Variants in PCDHAC1 observed in about 807,000 individuals in gnomAD.
PCDHAC1 encodes protocadherin alpha subfamily C, 1, also known as protocadherin alpha-C1.
In PCDHAC1, 42 loss-of-function variants were observed where a neutral mutation model predicts 60.0. The observed-to-expected ratio is 0.70, with a 90% CI of 0.55 to 0.90. PCDHAC1 has a LOEUF of 0.90. PCDHAC1 is among the 40% of genes least tolerant of loss of function. PCDHAC1 has a pLI of 0.00. For synonymous variants in PCDHAC1, 468 were observed against 499.3 expected (o/e 0.94, Z 0.84); for missense variants, 1,160 against 1,222.3 (o/e 0.95, Z 0.76).
intron 1 of PCDHAC1, among the ~76,000 whole-genome samples, chr5:140,963,787 A>G (rs155812): frequency 0.31 from 47,834 of 152,128 alleles, 7,882 homozygotes; most frequent in East Asian, 0.53. Context: ...AACAACAACA[A>G]TAATGTACTT....
At chr5:140,966,695 CGGGCGTGGGGCACGGCT>C (rs2096039584) in intron 1 of PCDHAC1, 1 of 1,358,374 alleles carries the variant, frequency 7.4e-7, no homozygotes. Flanking sequence ...AGGCGGGGCC[CGGGCGTGGGGCACGGCT>C]GGGGAAGCTG....
chr5:140,959,102 G>A (rs556528085), intron 1 of PCDHAC1, among the ~76,000 whole-genome samples: 2 of 152,214 alleles, frequency 1.3e-5, no homozygotes, highest in South Asian at 4.2e-4. Flanking sequence ...ACATTCAGCA[G>A]GGGTCCGAAG....
In PCDHAC1 at chr5:140,992,699, T is replaced by A. The variant is rs149489820; in HGVS notation, c.2581+10136T>A. Among the ~76,000 whole-genome samples the A allele has an allele frequency of 7.6e-3, 1,153 of 152,282 alleles. 6 individuals carry two copies. The highest frequency in any genetic ancestry group is 0.014 in the Middle Eastern group (4 of 294). On this transcript the variant is annotated intron_variant, in intron 3 of 3. Transcript: ENST00000253807. ...GTGTTAGGGGTTGAGGGGTGGGTAA[T>A]GTTCCTGCCAGTATTCGTAAATCCC...
intron 1 of PCDHAC1, among the ~76,000 whole-genome samples, chr5:140,955,336 T>G (rs1294171389): frequency 1.3e-5 from 2 of 152,144 alleles, no homozygotes; most frequent in African/African-American, 2.4e-5. Context: ...GTTCCCATAA[T>G]CCCCACATGT....
chr5:140,981,101 G>A (rs1484209084), intron 2 of PCDHAC1, among the ~76,000 whole-genome samples: 1 of 152,196 alleles, frequency 6.6e-6, no homozygotes, highest in Non-Finnish European at 1.5e-5. Flanking sequence ...TTTAATGAGT[G>A]AATTTCTACT....
At chr5:140,954,889 G>C (rs2095106564) in intron 1 of PCDHAC1, among the ~76,000 whole-genome samples, 1 of 152,070 alleles carries the variant, frequency 6.6e-6, no homozygotes, top group East Asian at 1.9e-4. Flanking sequence ...TTCTTCTAGG[G>C]TTTTTATAGT....
chr5:140,959,538 A>G (rs1310965047), intron 1 of PCDHAC1, among the ~76,000 whole-genome samples: 1 of 152,204 alleles, frequency 6.6e-6, no homozygotes, highest in Non-Finnish European at 1.5e-5. Flanking sequence ...TAATTCAGAG[A>G]TGCTGTATAA....
intron 1 of PCDHAC1, among the ~76,000 whole-genome samples, chr5:140,938,727 GA>G (rs2092176789): frequency 6.6e-6 from 1 of 151,904 alleles, no homozygotes; most frequent in Admixed American, 6.6e-5. Flanking sequence ...CGTTTCTACA[GA>G]AAAAAATAAT....
At chr5:140,966,208 T>G (rs993246205) in intron 1 of PCDHAC1, 2 of 231,366 alleles carry the variant, frequency 8.6e-6, no homozygotes, top group Admixed American at 1.1e-4. Flanking sequence ...TTGACTGCTT[T>G]TCCCAGACTA....
intron 1 of PCDHAC1, among the ~76,000 whole-genome samples, chr5:140,937,820 G>T (rs554138611): frequency 2.6e-5 from 4 of 151,792 alleles, no homozygotes; most frequent in African/African-American, 9.7e-5. Flanking sequence ...GCTGAGGCAG[G>T]AGAATGGCAT....
At chr5:141,009,482 C>T in intron 3 of PCDHAC1, 145 bp from the exon 4 acceptor site, 1 of 1,446,086 alleles carries the variant, frequency 6.9e-7, no homozygotes, top group Non-Finnish European at 9.1e-7. Flanking sequence ...TAAACACTTG[C>T]CTTGCCCTCA....
intron 1 of PCDHAC1, chr5:140,968,828 C>T (rs1404451202): frequency 6.2e-7 from 1 of 1,614,198 alleles, no homozygotes; most frequent in South Asian, 1.1e-5. Context: ...TTCCAAAATC[C>T]TCCCTGACAC....
chr5:141,006,948 A>G (rs1432589918), intron 3 of PCDHAC1, among the ~76,000 whole-genome samples: 3 of 152,194 alleles, frequency 2.0e-5, no homozygotes, highest in African/African-American at 7.2e-5. Flanking sequence ...CCAGATAGGC[A>G]GTTATACATG....
intron 1 of PCDHAC1, among the ~76,000 whole-genome samples, chr5:140,939,849 G>A (rs1554212970): frequency 6.6e-6 from 1 of 152,134 alleles, no homozygotes; most frequent in Non-Finnish European, 1.5e-5. Context: ...GTTGTGTTCT[G>A]TATATGTCCA....
Position 140,999,346 on chromosome 5 carries a change from T to C in PCDHAC1, c.2582-10281T>C, listed in dbSNP as rs115221132. ...ATCTGTGTGATTTATAAGCCTTGTC[T>C]CTTTTTAATGTTCACAATCCCATTA... On this transcript the variant is annotated intron_variant, in intron 3 of 3. Transcript: ENST00000253807. Among the ~76,000 whole-genome samples the C allele has an allele frequency of 2.6e-3, 399 of 152,360 alleles. 2 individuals are homozygous for C. In the Middle Eastern group the frequency reaches 0.041, roughly 16 times the overall value.
intron 3 of PCDHAC1, among the ~76,000 whole-genome samples, chr5:141,001,540 G>A (rs1318714170): frequency 6.6e-6 from 1 of 152,174 alleles, no homozygotes; most frequent in African/African-American, 2.4e-5. Flanking sequence ...TCCTGGACAG[G>A]ATTTGGGTTT....
At chr5:140,993,984 CACTT>C (rs2097589955) in intron 3 of PCDHAC1, among the ~76,000 whole-genome samples, 1 of 152,114 alleles carries the variant, frequency 6.6e-6, no homozygotes, top group Non-Finnish European at 1.5e-5. Flanking sequence ...ATTTATTAAG[CACTT>C]AGGTCAGGCC....
intron 1 of PCDHAC1, among the ~76,000 whole-genome samples, chr5:140,936,658 G>A (rs1385566642): frequency 6.6e-6 from 1 of 152,174 alleles, no homozygotes; most frequent in Non-Finnish European, 1.5e-5. Context: ...TATATATTCT[G>A]TTTCTGGACT....
intron 3 of PCDHAC1, among the ~76,000 whole-genome samples, chr5:140,992,231 G>C (rs1234271245): frequency 1.3e-5 from 2 of 152,176 alleles, no homozygotes; most frequent in African/African-American, 4.8e-5. Context: ...CCTGGGAAGA[G>C]TAAGGAAGGA....
Sources: gnomAD v4.1 joint callset for allele counts (sites outside exome capture counted in the v4.1 genomes callset) on GRCh38, gnomAD v4.1.1 for gene constraint, MANE v1.5 for transcripts, NCBI Gene and HGNC (gene_info 2026-07-23, HGNC 2026-07-21) for gene names.